Variants in FBXL5 observed in about 807,000 individuals in gnomAD.
FBXL5 encodes F-box/LRR-repeat protein 5.
FBXL5 carries 26 observed loss-of-function variants against 78.3 expected under a neutral mutation model. The observed-to-expected ratio is 0.33, with a 90% CI of 0.24 to 0.46. FBXL5 has a LOEUF of 0.46. FBXL5 is among the 20% of genes least tolerant of loss of function. FBXL5 has a pLI of 1.00. For missense variants in FBXL5, 710 were observed against 829.2 expected (o/e 0.86, Z 1.77); for synonymous variants, 295 against 282.5 (o/e 1.04, Z -0.45).
intron 9 of FBXL5, among the ~76,000 whole-genome samples, chr4:15,620,048 A>C (rs1320103234): frequency 6.6e-6 from 1 of 152,112 alleles, no homozygotes; most frequent in Non-Finnish European, 1.5e-5. Context: ...CAGCTTGGAC[A>C]ACAGAGCAAG....
At chr4:15,655,481 GGGCGCGCGCAGAGGCTCGC>G (rs1285305270), upstream of FBXL5, 1 of 778,940 alleles carries the variant, frequency 1.3e-6, no homozygotes, top group African/African-American at 1.9e-5. Context: ...CCACGTGACC[GGGCGCGCGCAGAGGCTCGC>G]GGCTTCTGCC....
At chr4:15,627,061 T>TA (rs565485676) in intron 7 of FBXL5, 106 bp from the exon 8 acceptor site, 206 of 456,868 alleles carry the variant, frequency 4.5e-4, no homozygotes, top group South Asian at 6.4e-4. Flanking sequence ...TTTGTGAATA[T>TA]AAAAAAAAAT....
upstream of FBXL5, among the ~76,000 whole-genome samples, chr4:15,656,069 G>A (rs1402945862): frequency 6.6e-6 from 1 of 152,258 alleles, no homozygotes; most frequent in African/African-American, 2.4e-5. Context: ...ATCCAGGTGC[G>A]GAAATGCACC....
At chr4:15,610,311 C>A (rs1229593616) in intron 10 of FBXL5, among the ~76,000 whole-genome samples, 3 of 152,046 alleles carry the variant, frequency 2.0e-5, no homozygotes, top group Non-Finnish European at 4.4e-5. Context: ...CTATGTGGAA[C>A]TCAGACACAA....
At chr4:15,659,358 T>G (rs1717194476), upstream of FBXL5, among the ~76,000 whole-genome samples, 1 of 152,164 alleles carries the variant, frequency 6.6e-6, no homozygotes, top group African/African-American at 2.4e-5. Context: ...CAAGCTATAT[T>G]TAAAGTCCTA....
At chr4:15,646,287 T>C (rs1371618313) in intron 1 of FBXL5, among the ~76,000 whole-genome samples, 1 of 152,136 alleles carries the variant, frequency 6.6e-6, no homozygotes, top group Non-Finnish European at 1.5e-5. Flanking sequence ...TCCAACTATT[T>C]AAAAATGTAA....
At chr4:15,679,803 G>C (rs1390105660) in intron 1 of FBXL5, among the ~76,000 whole-genome samples, 1 of 150,000 alleles carries the variant, frequency 6.7e-6, no homozygotes, top group Non-Finnish European at 1.5e-5. Flanking sequence ...TCTCTTCTCT[G>C]CTGATAGGAG....
intron 10 of FBXL5, among the ~76,000 whole-genome samples, chr4:15,609,308 T>C (rs189589550): frequency 7.0e-4 from 106 of 152,230 alleles, no homozygotes; most frequent in Non-Finnish European, 2.2e-4. Context: ...AAATGCGTGG[T>C]AAAGAATAAT....
At chr4:15,644,877 A>G (rs1186556510) in intron 1 of FBXL5, among the ~76,000 whole-genome samples, 169 bp from the exon 2 acceptor site, 2 of 152,256 alleles carry the variant, frequency 1.3e-5, no homozygotes, top group Non-Finnish European at 2.9e-5. Context: ...ATGGTATAAT[A>G]AAAAGTGCAC....
chr4:15,613,448 C>A (rs567571987), intron 9 of FBXL5, among the ~76,000 whole-genome samples: 197 of 152,038 alleles, frequency 1.3e-3, no homozygotes, highest in African/African-American at 4.5e-3. Context: ...AAGGTGGCTC[C>A]TTGTATTTGG....
chr4:15,620,172 A>T (rs563178861), intron 9 of FBXL5, among the ~76,000 whole-genome samples: 7 of 152,356 alleles, frequency 4.6e-5, no homozygotes, highest in East Asian at 1.9e-4. Context: ...AATAAATTTT[A>T]AAAAATCCCA....
At chr4:15,678,994 T>C (rs1718096557) in intron 1 of FBXL5, among the ~76,000 whole-genome samples, 1 of 151,842 alleles carries the variant, frequency 6.6e-6, no homozygotes, top group Non-Finnish European at 1.5e-5. Context: ...ACATTGATAA[T>C]AGTCTCTGTC....
At chr4:15,656,329 T>C, upstream of FBXL5, 1 of 456,216 alleles carries the variant, frequency 2.2e-6, no homozygotes, top group Non-Finnish European at 4.4e-6. Flanking sequence ...TTAGATTGGT[T>C]GGCTGGAGTA....
intron 3 of FBXL5, among the ~76,000 whole-genome samples, chr4:15,640,161 C>T: frequency 6.6e-6 from 1 of 152,102 alleles, no homozygotes; most frequent in South Asian, 2.1e-4. Flanking sequence ...TCACCTCAAG[C>T]TCCCAAGTAG....
intron 9 of FBXL5, among the ~76,000 whole-genome samples, chr4:15,615,356 T>G (rs1316817166): frequency 1.3e-5 from 2 of 151,982 alleles, no homozygotes; most frequent in Non-Finnish European, 2.9e-5. Context: ...TGGGATCCAC[T>G]GGGTGAAGCC....
intron 10 of FBXL5, among the ~76,000 whole-genome samples, chr4:15,610,585 A>G (rs1382415182): frequency 6.6e-6 from 1 of 152,132 alleles, no homozygotes; most frequent in Non-Finnish European, 1.5e-5. Flanking sequence ...GGAAATGCAT[A>G]AGGACAAAGT....
chr4:15,627,840 A>C, intron 7 of FBXL5, 45 bp downstream of exon 7: 2 of 1,574,010 alleles, frequency 1.3e-6, no homozygotes. Flanking sequence ...AACTCTTATC[A>C]TGCTGTTTTT....
At chr4:15,681,095 T>C (rs539770614) in intron 1 of FBXL5, among the ~76,000 whole-genome samples, 60 of 152,064 alleles carry the variant, frequency 3.9e-4, no homozygotes, top group Non-Finnish European at 7.1e-4. Flanking sequence ...GAAATATACA[T>C]ACATATTTAA....
In FBXL5 at chr4:15,615,537, A is replaced by C. The variant is rs913082344; in HGVS notation, c.1851-3123T>G. ...CTTGGAGAACCTTTATGTCTAGCTC[A>C]GGGATTGTAAATACACCAATCGGCA... is the stretch of plus-strand genomic sequence containing the variant. On this transcript the variant is annotated intron_variant, in intron 9 of 10. Coordinates refer to ENST00000341285, the MANE Select transcript of FBXL5 (RefSeq NM_012161.4). 8.0e-4 allele frequency among the ~76,000 whole-genome samples: 119 copies of C among 149,440 alleles called. No individual in the cohort carries two copies. In the South Asian group the frequency reaches 9.3e-3, roughly 12 times the overall value.
Sources: allele counts gnomAD v4.1 joint callset (sites outside exome capture counted in the v4.1 genomes callset), GRCh38; gene constraint gnomAD v4.1.1; transcripts MANE v1.5; gene names NCBI Gene and HGNC (gene_info 2026-07-23, HGNC 2026-07-21).